Variants in TRIM66 observed in about 807,000 individuals in gnomAD.
TRIM66 encodes the protein tripartite motif-containing protein 66.
Under a neutral mutation model 148.2 loss-of-function variants are expected in TRIM66, and 99 were observed. The ratio of observed to expected loss-of-function variants is 0.67; its 90% confidence interval spans 0.57 to 0.79. The LOEUF (loss-of-function observed/expected upper bound fraction) is 0.79. Among genes scored for constraint, TRIM66 ranks in the 30% least tolerant of loss-of-function variants. The pLI is 0.00. For synonymous variants in TRIM66, 616 were observed against 635.9 expected (o/e 0.97, Z 0.47); for missense variants, 1,666 against 1,697.9 (o/e 0.98, Z 0.33).
rs2034652525 is a variant in TRIM66 at position 8,624,808 on chromosome 11, G to C, written c.2731C>G (p.Pro911Ala). 1 of 1,551,682 alleles carries C rather than the reference G, an allele frequency of 6.4e-7. No individual in the cohort carries two copies. Among genetic ancestry groups the C allele is most frequent in the Non-Finnish European group, 8.7e-7 (1 of 1,146,960 alleles). Residue 911 changes from proline to alanine, a missense_variant, in exon 16 of 25, where the codon CCA becomes GCA. Transcript: ENST00000646038. ...QSIPPVSDMQ[P>A]ETGSSSSSGR... ...GAACTGGAGCTGGACCCAGTTTCTG[G>C]CTGCATGTCAGAAACTGGAGGGATG...
At chr11:8,672,592 C>T (rs1184051166) in intron 4 of TRIM66, among the ~76,000 whole-genome samples, 1 of 150,102 alleles carries the variant, frequency 6.7e-6, no homozygotes, top group Non-Finnish European at 1.5e-5. Context: ...AAATCCAGGT[C>T]AGTCTTCTGA....
chr11:8,645,795 G>A lies in TRIM66; in HGVS notation c.1050C>T (p.Ile350=). 1 of 1,551,792 alleles carries A rather than the reference G, an allele frequency of 6.4e-7. No homozygotes were observed. The highest frequency in any genetic ancestry group is 8.7e-7 in the Non-Finnish European group (1 of 1,147,004). The change falls in exon 12 of 25, where the codon ATC becomes ATT. Residue 350 remains isoleucine (I), a synonymous_variant. Coordinates refer to ENST00000646038, the MANE Select transcript of TRIM66 (RefSeq NM_001388022.1). ...TGGTTTTGCTGCAGACAGCCCAGTTGATGAAATTCTGCACATGCTCAAACT... is the reference window on the plus strand; with the variant it reads ...TGGTTTTGCTGCAGACAGCCCAGTTAATGAAATTCTGCACATGCTCAAACT... ...NRQFEHVQNF[I]NWAVCSKTSV...
rs147590161 is a variant in TRIM66, at chr11:8,634,319, C to T, written c.2310+4335G>A. On this transcript the variant is annotated intron_variant, in intron 15 of 24. Coordinates refer to ENST00000646038, the MANE Select transcript of TRIM66 (RefSeq NM_001388022.1). The stretch of plus-strand genomic sequence containing the variant: ...TAGCTGGGACCACAGGCATGCACCA[C>T]CACGCCTGGCTAATTTTCTTGTGTT... 1.6e-4 allele frequency among the ~76,000 whole-genome samples: 25 copies of T among 152,356 alleles called. No homozygotes were observed. In the East Asian group the frequency reaches 4.8e-3, roughly 29 times the overall value.
At chr11:8,622,017 G>A (rs952454975) in intron 18 of TRIM66, among the ~76,000 whole-genome samples, 198 bp from the exon 19 acceptor site, 4 of 152,026 alleles carry the variant, frequency 2.6e-5, no homozygotes, top group Non-Finnish European at 4.4e-5. Context: ...AGTGGGCTGC[G>A]AAAGGCAGGC....
chr11:8,654,947 G>A (rs1160664764), intron 6 of TRIM66, among the ~76,000 whole-genome samples: 1 of 151,990 alleles, frequency 6.6e-6, no homozygotes, highest in Non-Finnish European at 1.5e-5. Context: ...TGCAACCTCC[G>A]CCTCCTGGGT....
chr11:8,649,662 A>C, intron 8 of TRIM66, 78 bp downstream of exon 8: 15 of 1,491,438 alleles, frequency 1.0e-5, no homozygotes, highest in African/African-American at 1.4e-5. Flanking sequence ...ACAAGATCGG[A>C]GAGCTATTCT....
chr11:8,680,934 A>C (rs2039384443), intron 1 of TRIM66: 1 of 152,234 alleles, frequency 6.6e-6, no homozygotes, highest in South Asian at 2.1e-4. Context: ...AACAGAAAGA[A>C]CAAGTGATAT....
intron 15 of TRIM66, among the ~76,000 whole-genome samples, chr11:8,626,047 A>G (rs2034814411): frequency 6.6e-6 from 1 of 152,226 alleles, no homozygotes; most frequent in Non-Finnish European, 1.5e-5. Context: ...TGACTCCAAA[A>G]TTATTTTCTT....
chr11:8,642,657 A>T (rs1293687636), intron 13 of TRIM66, among the ~76,000 whole-genome samples: 1 of 152,086 alleles, frequency 6.6e-6, no homozygotes, highest in African/African-American at 2.4e-5. Context: ...CCACAGAGAC[A>T]CACATTCATC....
Position 8,621,657 on chromosome 11 carries a change from G to C in TRIM66, c.3243C>G (p.Ser1081Arg). Residue 1081 changes from serine (S) to arginine (R), a missense_variant, in exon 19 of 25, where the codon AGC becomes AGG. Ser to Arg is a moderately radical substitution (Grantham distance 110). This residue lies in a region of TRIM66 where 1,431 missense variants were observed against 1,412.4 expected (regional missense o/e 1.01). Coordinates refer to ENST00000646038, the MANE Select transcript of TRIM66 (RefSeq NM_001388022.1). ...LIIECGTESS[S>R]MSIKVSQDRL... ...AGCAAAGTGGTACCTTAATGGACAT[G>C]CTGGAGGACTCAGTGCCACACTCGA... 3 of 1,537,500 alleles carry C rather than the reference G, an allele frequency of 2.0e-6. No individual in the cohort carries two copies.
intron 4 of TRIM66, among the ~76,000 whole-genome samples, chr11:8,673,006 C>G (rs2039014478): frequency 6.9e-6 from 1 of 144,212 alleles, no homozygotes; most frequent in Admixed American, 7.4e-5. Context: ...GTGGCGCGAT[C>G]TCTGCTCACT....
At chr11:8,662,699 A>C (rs1023489204) in intron 6 of TRIM66, among the ~76,000 whole-genome samples, 4 of 152,258 alleles carry the variant, frequency 2.6e-5, no homozygotes, top group African/African-American at 9.6e-5. Context: ...ATCTGTATCT[A>C]AGTATCAAAG....
At chr11:8,647,363 T>C (rs1017452122) in intron 10 of TRIM66, among the ~76,000 whole-genome samples, 3 of 152,188 alleles carry the variant, frequency 2.0e-5, no homozygotes, top group Non-Finnish European at 4.4e-5. Flanking sequence ...CACTGGCTAG[T>C]TGTGTGATCT....
chr11:8,612,549 TCTAGTATATACCTC>T lies in TRIM66; in HGVS notation c.*5381_*5394del, dbSNP rs1313709761. 1.3e-5 allele frequency: 2 copies of T among 152,156 alleles called. No homozygotes were observed. Among genetic ancestry groups the T allele is most frequent in the Non-Finnish European group, 2.9e-5 (2 of 68,038 alleles). The allele number at this position is 152,156 out of a possible 1,614,324, so 9.4% of individuals were successfully genotyped here. A position where few individuals can be genotyped will look rare whatever the true frequency, so the allele number is the denominator to read the frequency against. Reference sequence around the variant, plus strand: ...TTCAGACTCTCAAATCAGATATCTTTCTAGTATATACCTCCTTACCTCCAAGAAAGCAACCAATA... The same window carrying T: ...TTCAGACTCTCAAATCAGATATCTTTCTTACCTCCAAGAAAGCAACCAATA... On this transcript the variant is annotated 3_prime_UTR_variant, in exon 25 of 25. Transcript: ENST00000646038.
intron 6 of TRIM66, 183 bp downstream of exon 6, chr11:8,671,603 G>C: frequency 3.4e-6 from 2 of 580,798 alleles, no homozygotes; most frequent in Non-Finnish European, 6.2e-6. Context: ...TTACAAAACA[G>C]ATATATTAGG....
chr11:8,670,476 G>A (rs1368803809), intron 6 of TRIM66, among the ~76,000 whole-genome samples: 2 of 152,182 alleles, frequency 1.3e-5, no homozygotes, highest in African/African-American at 4.8e-5. Context: ...GAACTTTCAA[G>A]ATATATTTAT....
At chr11:8,628,596 G>A (rs571729624) in intron 15 of TRIM66, among the ~76,000 whole-genome samples, 2 of 102,794 alleles carry the variant, frequency 1.9e-5, no homozygotes, top group African/African-American at 6.6e-5. Context: ...CTAGGCAACA[G>A]AGGAAGACCC....
intron 12 of TRIM66, among the ~76,000 whole-genome samples, chr11:8,643,337 CTT>C (rs376014687): frequency 4.8e-4 from 67 of 140,390 alleles, no homozygotes; most frequent in Non-Finnish European, 6.0e-4. Context: ...AACCTACATT[CTT>C]TTTTTTTTTT....
rs1042270130 is a variant in TRIM66, at chr11:8,671,880, G to A, written c.246C>T (p.Leu82=). The change falls in exon 6 of 25, where the codon CTC becomes CTT. Residue 82 remains leucine (L), a synonymous_variant. Coordinates refer to ENST00000646038, the MANE Select transcript of TRIM66 (RefSeq NM_001388022.1). The part of the protein sequence containing the change: ...HQDLPGMGSH[L]LSCQHLLRKD... Reference sequence around the variant, plus strand: ...TACGGAGCAAATGCTGGCAGGATAGGAGATGAGAGCCCATACCTGGCAGGT... The same window carrying A: ...TACGGAGCAAATGCTGGCAGGATAGAAGATGAGAGCCCATACCTGGCAGGT... The A allele has an allele frequency of 1.3e-6, 2 of 1,536,008 alleles. No individual in the cohort carries two copies. The highest frequency in any genetic ancestry group is 1.7e-6 in the Non-Finnish European group (2 of 1,146,898).
Sources: allele counts gnomAD v4.1 joint callset (sites outside exome capture counted in the v4.1 genomes callset), GRCh38; gene constraint gnomAD v4.1.1; regional missense constraint gnomAD v4.1.1; transcripts MANE v1.5; gene names NCBI Gene and HGNC (gene_info 2026-07-23, HGNC 2026-07-21).